DCN: variants seen among roughly 807,000 people sequenced by gnomAD.
The protein encoded by DCN is decorin.
Under a neutral mutation model 36.5 loss-of-function variants are expected in DCN, and 17 were observed. The ratio of observed to expected loss-of-function variants is 0.47; its 90% confidence interval spans 0.32 to 0.70. DCN has a LOEUF of 0.70. Ranked by LOEUF, DCN falls within the 30% of genes least tolerant of loss-of-function variation. The pLI, the probability that DCN is intolerant of heterozygous loss-of-function variation, is 0.04. For synonymous variants in DCN, 163 were observed against 161.4 expected, an observed-to-expected ratio of 1.01 and a Z score of -0.07; for missense variants, 389 against 430.1, an observed-to-expected ratio of 0.90 and a Z score of 0.84.
chr12:91,160,687 A>T (rs1882102274), intron 3 of DCN, among the ~76,000 whole-genome samples: 1 of 152,158 alleles, frequency 6.6e-6, no homozygotes, highest in Non-Finnish European at 1.5e-5. Flanking sequence ...TACTAAGAAT[A>T]GTGCCTAGTA....
intron 3 of DCN, among the ~76,000 whole-genome samples, chr12:91,163,144 C>G (rs1414896706): frequency 6.6e-6 from 1 of 152,190 alleles, no homozygotes; most frequent in Non-Finnish European, 1.5e-5. Flanking sequence ...ACTCATTCTA[C>G]AGATAGAGAA....
chr12:91,168,075 C>T lies in DCN; in HGVS notation c.212-3358G>A, dbSNP rs533212957. ...CTCGATCTCCTGACCTCATGATCCA[C>T]CAGCCTCGGCCTCCCAAAGTGCTGG... On this transcript the variant is annotated intron_variant, in intron 2 of 7. Transcript: ENST00000052754. 1.5e-4 allele frequency among the ~76,000 whole-genome samples: 23 copies of T among 152,258 alleles called. No individual in the cohort carries two copies. The South Asian group carries it at 2.1e-3, about 14-fold the overall frequency.
intron 1 of DCN, among the ~76,000 whole-genome samples, chr12:91,181,973 T>C (rs1482503689): frequency 6.6e-6 from 1 of 152,062 alleles, no homozygotes; most frequent in Admixed American, 6.6e-5. Flanking sequence ...TTACCCTGTT[T>C]TAAAATTAGA....
chr12:91,179,925 T>C (rs1883500291), intron 1 of DCN, among the ~76,000 whole-genome samples: 1 of 152,166 alleles, frequency 6.6e-6, no homozygotes, highest in African/African-American at 2.4e-5. Flanking sequence ...AAAACAAGTA[T>C]TGTTTTGATA....
chr12:91,156,711 A>G (rs1348920921), intron 5 of DCN, among the ~76,000 whole-genome samples: 2 of 142,300 alleles, frequency 1.4e-5, no homozygotes, highest in South Asian at 2.2e-4. Context: ...TTTTTTTTTT[A>G]CAAACACCAA....
In DCN at chr12:91,152,300, C is replaced by CATATATATATATATAT. The variant is rs139523647; in HGVS notation, c.747-509_747-508insATATATATATATATAT. ...GGAGTTGATTATACACACACACATG[C>CATATATATATATATAT]ATATATATATATATACACATTCAAA... is the stretch of plus-strand genomic sequence containing the variant. On this transcript the variant is annotated intron_variant, in intron 6 of 7. Transcript: ENST00000052754. Among the ~76,000 whole-genome samples, 654 of 146,468 alleles carry CATATATATATATATAT rather than the reference C, an allele frequency of 4.5e-3. 7 individuals are homozygous for CATATATATATATATAT. The highest frequency in any genetic ancestry group is 0.016 in the African/African-American group (625 of 37,926).
chr12:91,140,934 A>G lies in DCN; in HGVS notation c.*5124T>C, dbSNP rs1020996112. On this transcript the variant is annotated 3_prime_UTR_variant, in exon 8 of 8. Coordinates refer to ENST00000052754, the MANE Select transcript of DCN (RefSeq NM_001920.5). ...TCATGCCCCATCTGATCATTCAGCCATCCCTGGCCTCTCTACCATCAAAAC... is the reference window on the plus strand; with the variant it reads ...TCATGCCCCATCTGATCATTCAGCCGTCCCTGGCCTCTCTACCATCAAAAC... 2 of 152,148 alleles carry G rather than the reference A, an allele frequency of 1.3e-5. No individual in the cohort carries two copies. The highest frequency in any genetic ancestry group is 2.4e-5 in the African/African-American group (1 of 41,422). The allele number at this position is 152,148 out of a possible 1,614,324, so 9.4% of individuals were successfully genotyped here.
rs531490156 is a variant in DCN, at chr12:91,160,445, T to A, written c.325-1936A>T. Reference sequence around the variant, plus strand: ...AAAGCCATTTATGTAGGTCTTACACTGTACCAAATATTGTTCTAAAGGCTT... The same window carrying A: ...AAAGCCATTTATGTAGGTCTTACACAGTACCAAATATTGTTCTAAAGGCTT... On this transcript the variant is annotated intron_variant, in intron 3 of 7. Coordinates refer to ENST00000052754, the MANE Select transcript of DCN (RefSeq NM_001920.5). 3.3e-5 allele frequency among the ~76,000 whole-genome samples: 5 copies of A among 152,192 alleles called. No individual in the cohort carries two copies. The South Asian group carries it at 1.0e-3, about 32-fold the overall frequency.
chr12:91,147,392 A>G (rs1000032750), intron 7 of DCN, among the ~76,000 whole-genome samples: 3 of 152,074 alleles, frequency 2.0e-5, no homozygotes, highest in African/African-American at 7.2e-5. Context: ...ATTACGTTAC[A>G]TGTTTTTCTT....
chr12:91,145,369 A>G lies in DCN; in HGVS notation c.*689T>C, dbSNP rs1880942807. The G allele has an allele frequency of 1.3e-5, 2 of 153,846 alleles. No individual in the cohort carries two copies. The highest frequency in any genetic ancestry group is 2.9e-5 in the Non-Finnish European group (2 of 68,956). 9.5% of individuals were successfully genotyped at this position (153,846 alleles called of 1,614,324 possible). A position where few individuals can be genotyped will look rare whatever the true frequency, so the allele number is the denominator to read the frequency against. ...CTTTATAAGCTTACATTCAACATAG[A>G]TGACATAAGTTACCATACTCAAATG... On this transcript the variant is annotated 3_prime_UTR_variant, in exon 8 of 8. Coordinates refer to ENST00000052754, the MANE Select transcript of DCN (RefSeq NM_001920.5).
intron 3 of DCN, among the ~76,000 whole-genome samples, chr12:91,160,353 T>C (rs1305744658): frequency 2.6e-5 from 4 of 151,942 alleles, no homozygotes; most frequent in African/African-American, 9.7e-5. Context: ...GTATTAAACA[T>C]GATCTGAAAA....
Position 91,159,925 on chromosome 12 carries a change from A to G in DCN, c.325-1416T>C, listed in dbSNP as rs139003333. Among the ~76,000 whole-genome samples the G allele has an allele frequency of 7.5e-4, 114 of 152,258 alleles. 2 individuals carry two copies. The East Asian group carries it at 0.019, about 26-fold the overall frequency. ...AATGTGGAGGGGCAAAAGGGGACCTATAATAGGAAAGCGAGTATTTTTAGT... is the reference window on the plus strand; with the variant it reads ...AATGTGGAGGGGCAAAAGGGGACCTGTAATAGGAAAGCGAGTATTTTTAGT... On this transcript the variant is annotated intron_variant, in intron 3 of 7. Coordinates refer to ENST00000052754, the MANE Select transcript of DCN (RefSeq NM_001920.5).
At chr12:91,156,976 C>T (rs1881817626) in intron 5 of DCN, 99 bp downstream of exon 5, 1 of 802,314 alleles carries the variant, frequency 1.2e-6, no homozygotes, top group Non-Finnish European at 2.1e-6. Flanking sequence ...ATAAGGTTGG[C>T]CTCTTAGGTG....
chr12:91,158,444 C>A lies in DCN; in HGVS notation c.390G>T (p.Lys130Asn), dbSNP rs929581369. The change falls in exon 4 of 8, where the codon AAG becomes AAT. Residue 130 changes from lysine (K) to asparagine (N), a missense_variant. By Grantham distance (94) the Lys-to-Asn change is moderately conservative (BLOSUM62 0). Transcript: ENST00000052754. Reference protein sequence around the residue: ...VSPGAFTPLVKLERLYLSKNQ... With the variant: ...VSPGAFTPLVNLERLYLSKNQ... ...TCTTGGACAGATAAAGTCGTTCCAA[C>A]TTCACCAAAGGTGTAAATGCTCCAG... The A allele has an allele frequency of 6.2e-7, 1 of 1,611,140 alleles. No homozygotes were observed. Among genetic ancestry groups the A allele is most frequent in the African/African-American group, 1.3e-5 (1 of 74,968 alleles).
intron 2 of DCN, chr12:91,177,635 T>C (rs1250328177): frequency 1.4e-6 from 1 of 702,240 alleles, no homozygotes; most frequent in Non-Finnish European, 2.6e-6. Context: ...TCTGAAAAGA[T>C]GATAAATCAA....
intron 3 of DCN, among the ~76,000 whole-genome samples, chr12:91,163,296 C>T (rs1477561712): frequency 2.0e-5 from 3 of 152,296 alleles, no homozygotes; most frequent in African/African-American, 7.2e-5. Flanking sequence ...ATATTCTCTC[C>T]CAACTACCAC....
intron 7 of DCN, chr12:91,151,118 T>C: frequency 6.3e-6 from 1 of 157,778 alleles, no homozygotes; most frequent in Non-Finnish European, 1.4e-5. Flanking sequence ...ACTTAGAGGA[T>C]GGGTCAGTAG....
chr12:91,164,462 TAAAAA>T (rs36087078), intron 3 of DCN, 138 bp downstream of exon 3: 4 of 317,632 alleles, frequency 1.3e-5, no homozygotes, highest in African/African-American at 8.5e-5. Flanking sequence ...AAAAAAAAAG[TAAAAA>T]AAAAAAAAAA....
At chr12:91,151,542 C>T (rs1881415584) in intron 7 of DCN, 112 bp downstream of exon 7, 1 of 1,171,914 alleles carries the variant, frequency 8.5e-7, no homozygotes, top group Non-Finnish European at 1.3e-6. Flanking sequence ...CTAACTAAGA[C>T]ACTCTGGAAA....
Sources: allele counts gnomAD v4.1 joint callset (sites outside exome capture counted in the v4.1 genomes callset), GRCh38; gene constraint gnomAD v4.1.1; transcripts MANE v1.5; gene names NCBI Gene and HGNC (gene_info 2026-07-23, HGNC 2026-07-21).